Variants in ALDH1A2 observed in about 807,000 individuals in gnomAD.
ALDH1A2 encodes the protein retinal dehydrogenase 2.
A neutral mutation model predicts 60.3 loss-of-function variants in ALDH1A2; 27 were observed. The ratio of observed to expected loss-of-function variants is 0.45; its 90% CI spans 0.33 to 0.62. The LOEUF (loss-of-function observed/expected upper bound fraction) is 0.62. ALDH1A2 is among the 20% of genes least tolerant of loss of function. The probability of loss-of-function intolerance (pLI) is 0.02; values close to 1 mark genes in which losing one functional copy is unlikely to be tolerated. For synonymous variants in ALDH1A2, 289 were observed against 232.4 expected (o/e 1.24, Z -2.21); for missense variants, 581 against 643.8 (o/e 0.90, Z 1.06).
chr15:58,029,737 C>A lies in ALDH1A2; in HGVS notation c.118-15456G>T, dbSNP rs569583357. On this transcript the variant is annotated intron_variant, in intron 1 of 12. Transcript: ENST00000249750. ...ACCGATTCCACAGAAATACAAACTACCATCAGAGAATACTATAAACACCTC... is the reference window on the plus strand; with the variant it reads ...ACCGATTCCACAGAAATACAAACTAACATCAGAGAATACTATAAACACCTC... Among the ~76,000 whole-genome samples, 32 of 152,204 alleles carry A rather than the reference C, an allele frequency of 2.1e-4. No homozygotes were observed. The East Asian group carries it at 4.6e-3, about 22-fold the overall frequency.
intron 7 of ALDH1A2, among the ~76,000 whole-genome samples, chr15:57,966,895 G>A (rs778034638): frequency 2.0e-5 from 3 of 152,168 alleles, no homozygotes; most frequent in African/African-American, 4.8e-5. Flanking sequence ...AACAGGATGC[G>A]ACTCCACTGG....
intron 4 of ALDH1A2, among the ~76,000 whole-genome samples, chr15:58,007,797 G>GAC (rs1555402777): frequency 7.0e-6 from 1 of 142,566 alleles, no homozygotes; most frequent in Non-Finnish European, 1.5e-5. Flanking sequence ...ACTTCACTGT[G>GAC]AAAAAAAAAA....
intron 1 of ALDH1A2, chr15:58,036,498 T>G (rs1267296770): frequency 6.6e-6 from 1 of 151,460 alleles, no homozygotes; most frequent in Non-Finnish European, 1.5e-5. Flanking sequence ...TTTTTAACAT[T>G]AAGGGACCTG....
Position 57,995,217 on chromosome 15 carries a change from C to CAAAAAAAAA in ALDH1A2, c.494-87_494-79dup. Reference sequence around the variant, plus strand: ...TGCAAAGGGAGAACTTTGGTGGCTGCAAAAAAAAAAAAAAAAAAACAAACA... The same window carrying CAAAAAAAAA: ...TGCAAAGGGAGAACTTTGGTGGCTGCAAAAAAAAAAAAAAAAAAAAAAAAAAAACAAACA... On this transcript the variant is annotated intron_variant, in intron 4 of 12. Coordinates refer to ENST00000249750, the MANE Select transcript of ALDH1A2 (RefSeq NM_003888.4). 4.7e-4 allele frequency: 134 copies of CAAAAAAAAA among 288,010 alleles called. 4 individuals are homozygous for CAAAAAAAAA. The highest frequency in any genetic ancestry group is 1.4e-3 in the South Asian group (31 of 21,700). The allele number at this position is 288,010 out of a possible 1,614,324, so 17.8% of individuals were successfully genotyped here.
chr15:57,969,855 G>A (rs1894005636), intron 7 of ALDH1A2, among the ~76,000 whole-genome samples: 1 of 152,138 alleles, frequency 6.6e-6, no homozygotes. Flanking sequence ...TGACAACCTG[G>A]CTAATTATAA....
intron 4 of ALDH1A2, 92 bp from the exon 5 acceptor site, chr15:57,995,231 AAAAAAC>A (rs1224454513): frequency 1.5e-4 from 112 of 754,534 alleles, no homozygotes; most frequent in Middle Eastern, 5.6e-4. Flanking sequence ...AAAAAAAAAA[AAAAAAC>A]AAACAGAAAT....
chr15:57,987,143 A>C (rs1382504368), intron 7 of ALDH1A2, among the ~76,000 whole-genome samples: 1 of 152,244 alleles, frequency 6.6e-6, no homozygotes, highest in African/African-American at 2.4e-5. Flanking sequence ...CCTAGCCGGA[A>C]GCACAAAGGA....
chr15:57,976,257 T>C (rs1172240971), intron 7 of ALDH1A2, among the ~76,000 whole-genome samples: 5 of 152,122 alleles, frequency 3.3e-5, no homozygotes, highest in Admixed American at 2.6e-4. Flanking sequence ...GTGAGTTCCT[T>C]AATAGGTACC....
At chr15:58,029,455 C>A (rs1472253004) in intron 1 of ALDH1A2, among the ~76,000 whole-genome samples, 2 of 151,874 alleles carry the variant, frequency 1.3e-5, no homozygotes, top group Admixed American at 1.3e-4. Context: ...AAGATCTAAA[C>A]TCAACCCCCT....
chr15:58,051,856 A>G (rs1896785368), intron 1 of ALDH1A2, among the ~76,000 whole-genome samples: 1 of 152,170 alleles, frequency 6.6e-6, no homozygotes, highest in African/African-American at 2.4e-5. Flanking sequence ...TAAGCTTCTG[A>G]CAAGTTCCCT....
At chr15:57,967,042 G>A (rs1211190732) in intron 7 of ALDH1A2, among the ~76,000 whole-genome samples, 2 of 152,194 alleles carry the variant, frequency 1.3e-5, no homozygotes, top group African/African-American at 2.4e-5. Context: ...AAAAGCGGGG[G>A]AAGAGAAACG....
chr15:58,049,811 G>C (rs143821362), intron 1 of ALDH1A2, among the ~76,000 whole-genome samples: 2 of 152,082 alleles, frequency 1.3e-5, no homozygotes, highest in Non-Finnish European at 2.9e-5. Context: ...AAACTCAAGA[G>C]AAATGGCTTT....
chr15:58,027,725 C>A (rs1896117707), intron 1 of ALDH1A2, among the ~76,000 whole-genome samples: 1 of 152,020 alleles, frequency 6.6e-6, no homozygotes, highest in Admixed American at 6.6e-5. Flanking sequence ...GAGCTGAAAA[C>A]CATGGCACCA....
At chr15:58,061,231 T>C (rs1323627122) in intron 1 of ALDH1A2, among the ~76,000 whole-genome samples, 1 of 151,890 alleles carries the variant, frequency 6.6e-6, no homozygotes, top group Non-Finnish European at 1.5e-5. Context: ...CTGTGTTAAA[T>C]GGAGATGATA....
At chr15:58,016,575 T>C (rs1895795512) in intron 1 of ALDH1A2, among the ~76,000 whole-genome samples, 1 of 152,226 alleles carries the variant, frequency 6.6e-6, no homozygotes, top group African/African-American at 2.4e-5. Flanking sequence ...TAAACTCATT[T>C]TCTTCATCAC....
chr15:58,018,338 A>G (rs1458699219), intron 1 of ALDH1A2, among the ~76,000 whole-genome samples: 1 of 152,200 alleles, frequency 6.6e-6, no homozygotes, highest in African/African-American at 2.4e-5. Context: ...TACATTTTTA[A>G]ATGAATAAAT....
At chr15:58,042,664 T>C (rs1469970066) in intron 1 of ALDH1A2, among the ~76,000 whole-genome samples, 1 of 151,904 alleles carries the variant, frequency 6.6e-6, no homozygotes, top group East Asian at 1.9e-4. Context: ...GCTTCCTACA[T>C]TTTTCTTGTC....
chr15:58,003,510 T>C (rs562344878), intron 4 of ALDH1A2, among the ~76,000 whole-genome samples: 55 of 152,080 alleles, frequency 3.6e-4, no homozygotes, highest in Non-Finnish European at 2.8e-4. Flanking sequence ...TAACCTTTTC[T>C]ATATGCTAAC....
At chr15:58,042,161 T>C (rs1285149843) in intron 1 of ALDH1A2, among the ~76,000 whole-genome samples, 1 of 151,978 alleles carries the variant, frequency 6.6e-6, no homozygotes, top group Non-Finnish European at 1.5e-5. Context: ...GTCAGGATAT[T>C]TGAACATACT....
Sources: allele counts gnomAD v4.1 joint callset (sites outside exome capture counted in the v4.1 genomes callset), GRCh38; gene constraint gnomAD v4.1.1; transcripts MANE v1.5; gene names NCBI Gene and HGNC (gene_info 2026-07-23, HGNC 2026-07-21).